TMC5: variants seen among roughly 807,000 people sequenced by gnomAD.
TMC5 encodes the protein transmembrane channel like 5.
TMC5 carries 86 observed loss-of-function variants against 110.5 expected under a neutral mutation model. The observed-to-expected ratio is 0.78, with a 90% CI of 0.65 to 0.93. TMC5 has a LOEUF of 0.93. Ranked by LOEUF, TMC5 falls within the 40% of genes least tolerant of loss-of-function variation. TMC5 has a pLI of 0.00. For synonymous variants in TMC5, 455 were observed against 439.5 expected (o/e 1.04, Z -0.44); for missense variants, 1,144 against 1,222.8 (o/e 0.94, Z 0.96).
intron 5 of TMC5, chr16:19,456,421 T>C (rs1231599344): frequency 3.7e-6 from 4 of 1,078,422 alleles, no homozygotes; most frequent in African/African-American, 3.3e-5. Context: ...TGAAAGATTC[T>C]GTTTTCGATT....
intron 12 of TMC5, among the ~76,000 whole-genome samples, chr16:19,475,402 A>G (rs1391117392): frequency 6.6e-6 from 1 of 151,506 alleles, no homozygotes; most frequent in Non-Finnish European, 1.5e-5. Flanking sequence ...AGCCTGGGTG[A>G]CAGAGAGAGA....
At chr16:19,480,377 G>A (rs774392933) in intron 14 of TMC5, among the ~76,000 whole-genome samples, 5 of 151,714 alleles carry the variant, frequency 3.3e-5, no homozygotes, top group East Asian at 3.9e-4. Context: ...ATGTATTTCC[G>A]CAAGCTGCTC....
intron 6 of TMC5, among the ~76,000 whole-genome samples, chr16:19,461,954 G>C (rs1968034499): frequency 6.6e-6 from 1 of 152,100 alleles, no homozygotes; most frequent in African/African-American, 2.4e-5. Flanking sequence ...GACTTTGCTG[G>C]GGAAAAATGG....
At chr16:19,492,267 CT>C in intron 19 of TMC5, 39 bp downstream of exon 19, 4 of 1,464,258 alleles carry the variant, frequency 2.7e-6, no homozygotes, top group Non-Finnish European at 3.8e-6. Context: ...CGCCCTCACC[CT>C]TTTTAAACGC....
Position 19,440,036 on chromosome 16 carries a change from A to G in TMC5, c.-3A>G, listed in dbSNP as rs749479457. On this transcript the variant is annotated 5_prime_UTR_variant, in exon 3 of 22. Coordinates refer to ENST00000542583, the MANE Select transcript of TMC5 (RefSeq NM_001261841.2). ...CACTCCAGGGTGAAGAGTCCATACC[A>G]ACATGTCTGCCTACTACAGGAATAA... 8 of 1,611,010 alleles carry G rather than the reference A, an allele frequency of 5.0e-6. No individual in the cohort carries two copies. In the African/African-American group the frequency reaches 5.3e-5, roughly 11 times the overall value.
At chr16:19,492,327 A>G in intron 19 of TMC5, 99 bp downstream of exon 19, 1 of 736,616 alleles carries the variant, frequency 1.4e-6, no homozygotes, top group East Asian at 2.7e-5. Context: ...GAACTCTCAT[A>G]TCCCTGCTCT....
rs895180498 is a variant in TMC5, at chr16:19,456,644, A to G, written c.1049-3591A>G. Reference sequence around the variant, plus strand: ...GCGAGTCCCAATCAATGCGGGTGTGACTGCTGTATGAAGTCTCAGGAAGCC... The same window carrying G: ...GCGAGTCCCAATCAATGCGGGTGTGGCTGCTGTATGAAGTCTCAGGAAGCC... On this transcript the variant is annotated intron_variant, in intron 5 of 21. Transcript: ENST00000542583. 6 of 1,555,922 alleles carry G rather than the reference A, an allele frequency of 3.9e-6. No homozygotes were observed. In the Admixed American group the frequency reaches 9.3e-5, roughly 24 times the overall value.
chr16:19,497,995 A>C lies in TMC5; in HGVS notation c.*29A>C. On this transcript the variant is annotated 3_prime_UTR_variant, in exon 22 of 22. Transcript: ENST00000542583. ...CTCTTTTGGTAACCAGACACCAATC[A>C]AATAAGGGGAGGAGACGAAAATGGA... 6.2e-7 allele frequency: 1 copy of C among 1,605,532 alleles called. No homozygotes were observed. Among genetic ancestry groups the C allele is most frequent in the Non-Finnish European group, 8.5e-7 (1 of 1,172,266 alleles).
At chr16:19,490,325 A>T (rs924798725) in intron 17 of TMC5, 70 bp from the exon 18 acceptor site, 3 of 1,497,996 alleles carry the variant, frequency 2.0e-6, no homozygotes, top group Non-Finnish European at 2.8e-6. Flanking sequence ...CCCAGAAGGG[A>T]CACCCTGATT....
chr16:19,472,978 G>A (rs565648617), intron 11 of TMC5, among the ~76,000 whole-genome samples: 43 of 152,144 alleles, frequency 2.8e-4, no homozygotes, highest in Admixed American at 1.4e-3. Flanking sequence ...GTGCAGTCCC[G>A]GCTCCACTCC....
Position 19,474,272 on chromosome 16 carries a change from A to ATCCG in TMC5, c.2087_2090dup (p.Asn698ProfsTer26). On this transcript the variant is annotated frameshift_variant, in exon 12 of 22. Coordinates refer to ENST00000542583, the MANE Select transcript of TMC5 (RefSeq NM_001261841.2). LOFTEE classifies it high-confidence loss of function. ...ACGGCACGAAGTCTACGTTCTCCTG[A>ATCCG]TCCGGTAGGTGATGTGTCGCGCCCA... The ATCCG allele has an allele frequency of 6.2e-7, 1 of 1,613,810 alleles. No homozygotes were observed. The highest frequency in any genetic ancestry group is 8.5e-7 in the Non-Finnish European group (1 of 1,179,864).
At chr16:19,479,630 G>A in intron 14 of TMC5, 102 bp downstream of exon 14, 1 of 817,976 alleles carries the variant, frequency 1.2e-6, no homozygotes, top group South Asian at 1.6e-5. Context: ...CTCAAAGCGT[G>A]CGTTGTTCCA....
At chr16:19,460,113 T>G in intron 5 of TMC5, 122 bp from the exon 6 acceptor site, 3 of 599,136 alleles carry the variant, frequency 5.0e-6, no homozygotes, top group African/African-American at 1.9e-5. Flanking sequence ...TTGTGATCTT[T>G]GAGATCCCCA....
chr16:19,490,742 CCTT>C (rs374259364), intron 18 of TMC5, among the ~76,000 whole-genome samples, 174 bp downstream of exon 18: 50,123 of 139,058 alleles, frequency 0.36, 11,850 homozygotes, highest in Non-Finnish European at 0.5. Context: ...TTCCTTCCTT[CCTT>C]CCTTCCTTCC....
In TMC5 at chr16:19,449,131, G is replaced by A. The variant is rs146563804; in HGVS notation, c.959-411G>A. On this transcript the variant is annotated intron_variant, in intron 4 of 21. Transcript: ENST00000542583. ...CTCCCAAAGTGCTGGGATTACAGGC[G>A]TGAGCCACTGTGCCCGGCCACATAT... 1.3e-4 allele frequency among the ~76,000 whole-genome samples: 20 copies of A among 152,108 alleles called. No homozygotes were observed. In the East Asian group the frequency reaches 3.7e-3, roughly 28 times the overall value.
chr16:19,422,124 A>C (rs1264012622), intron 1 of TMC5, among the ~76,000 whole-genome samples: 1 of 152,050 alleles, frequency 6.6e-6, no homozygotes, highest in African/African-American at 2.4e-5. Flanking sequence ...CCAACTGCTC[A>C]GGAGGCTGAG....
intron 10 of TMC5, among the ~76,000 whole-genome samples, chr16:19,471,248 G>A (rs1185052858): frequency 6.6e-6 from 1 of 152,010 alleles, no homozygotes; most frequent in Non-Finnish European, 1.5e-5. Flanking sequence ...ACACCACCAT[G>A]CCCAACTAAT....
chr16:19,491,237 T>C (rs1266117740), intron 18 of TMC5, among the ~76,000 whole-genome samples: 1 of 152,098 alleles, frequency 6.6e-6, no homozygotes, highest in Non-Finnish European at 1.5e-5. Flanking sequence ...CTCAAACTCC[T>C]GGCCTCAAAT....
chr16:19,477,916 C>A (rs1968528529), intron 13 of TMC5, among the ~76,000 whole-genome samples: 2 of 152,084 alleles, frequency 1.3e-5, no homozygotes, highest in Admixed American at 1.3e-4. Flanking sequence ...TCTTTTTGAT[C>A]CTTGATGTTC....
Sources: allele counts gnomAD v4.1 joint callset (sites outside exome capture counted in the v4.1 genomes callset), GRCh38; gene constraint gnomAD v4.1.1; transcripts MANE v1.5; gene names NCBI Gene and HGNC (gene_info 2026-07-23, HGNC 2026-07-21).